Variants in RMP64 observed in about 807,000 individuals in gnomAD.
RMP64 encodes the protein nucleolus and neural progenitor protein.
At chr3:113,006,165 GTTT>G in the RMP64 span, among the ~76,000 whole-genome samples, 211 of 152,282 alleles carry the variant, frequency 1.4e-3, no homozygotes, top group African/African-American at 4.8e-3. Context: ...CCCCAAGTCT[GTTT>G]TTTGAGAGCA....
At chr3:113,013,888 G>T in the RMP64 span, 1 of 1,089,092 alleles carries the variant, frequency 9.2e-7, no homozygotes, top group Non-Finnish European at 1.4e-6. Context: ...GAAATCCAAA[G>T]GGAGATCACA....
the RMP64 span, chr3:113,013,058 C>G: frequency 1.6e-6 from 1 of 626,672 alleles, no homozygotes; most frequent in South Asian, 2.1e-5. Context: ...GCTATCAATG[C>G]TCTTAGGATA....
At chr3:113,010,694 T>G in the RMP64 span, 1 of 1,613,166 alleles carries the variant, frequency 6.2e-7, no homozygotes, top group Non-Finnish European at 8.5e-7. Flanking sequence ...CATCAAATTC[T>G]GATGACTCTT....
chr3:113,017,567 G>A, the RMP64 span: 1 of 1,614,146 alleles, frequency 6.2e-7, no homozygotes, highest in Non-Finnish European at 8.5e-7. Flanking sequence ...AGTATGACGA[G>A]ATGGCATTCT....
the RMP64 span, chr3:113,014,317 G>A: frequency 8.4e-4 from 196 of 233,884 alleles, 2 homozygotes; most frequent in Admixed American, 8.9e-4. Flanking sequence ...ACCAAAACGA[G>A]TATAGGTTAT....
At chr3:113,014,275 T>C in the RMP64 span, 2 of 391,262 alleles carry the variant, frequency 5.1e-6, no homozygotes, top group Non-Finnish European at 9.4e-6. Context: ...GAAATTAGTA[T>C]ATGCCACAAT....
chr3:113,019,463 C>G, the RMP64 span: 1 of 1,215,504 alleles, frequency 8.2e-7, no homozygotes, highest in South Asian at 1.3e-5. Flanking sequence ...CCCGGTACCA[C>G]CCCCGCCCAC....
chr3:113,008,023 C>G, the RMP64 span: 40 of 654,704 alleles, frequency 6.1e-5, no homozygotes, highest in African/African-American at 6.9e-4. Context: ...ACAATAAAAG[C>G]AGCAAATGCA....
At chr3:113,005,244 A>G in the RMP64 span, 1 of 379,048 alleles carries the variant, frequency 2.6e-6, no homozygotes, top group Non-Finnish European at 4.8e-6. Flanking sequence ...TCAGTTTTTC[A>G]GAGACTTACT....
chr3:113,016,914 CCT>C, the RMP64 span, among the ~76,000 whole-genome samples: 3 of 152,308 alleles, frequency 2.0e-5, no homozygotes, highest in Non-Finnish European at 2.9e-5. Flanking sequence ...TGGTATAGCC[CCT>C]GAGCTGGAGG....
chr3:113,003,327 A>T, the RMP64 span: 1 of 152,166 alleles, frequency 6.6e-6, no homozygotes. Flanking sequence ...GGGCAACAGC[A>T]CAAGACTCTG....
chr3:113,016,316 T>A, the RMP64 span, among the ~76,000 whole-genome samples: 1 of 152,232 alleles, frequency 6.6e-6, no homozygotes, highest in African/African-American at 2.4e-5. Flanking sequence ...AAACATCAGT[T>A]ATGATAGTAA....
chr3:113,013,970 A>T, the RMP64 span: 1 of 1,613,398 alleles, frequency 6.2e-7, no homozygotes, highest in Admixed American at 1.7e-5. Context: ...AAAACAACTC[A>T]AACAGGTCTT....
At chr3:113,013,147 A>G in the RMP64 span, 1 of 1,090,986 alleles carries the variant, frequency 9.2e-7, no homozygotes, top group Middle Eastern at 2.1e-4. Flanking sequence ...CCAAGAAGCA[A>G]AAGTTTAAGA....
At chr3:113,013,070 T>C in the RMP64 span, 4 of 637,076 alleles carry the variant, frequency 6.3e-6, no homozygotes, top group Middle Eastern at 4.2e-4. Context: ...CTTAGGATAA[T>C]ACGTGCTGAA....
chr3:113,005,125 G>C, the RMP64 span: 11 of 215,464 alleles, frequency 5.1e-5, no homozygotes, highest in South Asian at 7.3e-4. Flanking sequence ...AGACCAAATT[G>C]ACCTTTCAGG....
the RMP64 span, chr3:113,010,460 A>C: frequency 1.7e-6 from 1 of 579,918 alleles, no homozygotes; most frequent in Admixed American, 3.3e-5. Flanking sequence ...CTATTAACTG[A>C]ATTAACTAGA....
chr3:113,017,219 A>G, the RMP64 span, among the ~76,000 whole-genome samples: 10 of 152,354 alleles, frequency 6.6e-5, no homozygotes, highest in East Asian at 1.9e-3. Context: ...CAAGACTGGG[A>G]AAGAATCTAA....
At chr3:113,017,466 G>T in the RMP64 span, 5 of 1,613,752 alleles carry the variant, frequency 3.1e-6, no homozygotes, top group Non-Finnish European at 4.2e-6. Context: ...GGGCCAAATG[G>T]GGTTTGTGGC....
Sources: gnomAD v4.1 joint callset for allele counts (sites outside exome capture counted in the v4.1 genomes callset) on GRCh38, gnomAD v4.1.1 for gene constraint, MANE v1.5 for transcripts, NCBI Gene and HGNC (gene_info 2026-07-23, HGNC 2026-07-21) for gene names.